Variants in VAV2 observed in about 807,000 individuals in gnomAD.
The protein encoded by VAV2 is vav guanine nucleotide exchange factor 2, also known as guanine nucleotide exchange factor VAV2.
Under a neutral mutation model 132.5 loss-of-function variants are expected in VAV2, and 67 were observed. The ratio of observed to expected loss-of-function variants is 0.51; its 90% CI spans 0.42 to 0.62. The LOEUF is 0.62. Ranked by LOEUF, VAV2 falls within the 20% of genes least tolerant of loss-of-function variation. The probability of loss-of-function intolerance (pLI) is 0.00; values close to 1 mark genes in which losing one functional copy is unlikely to be tolerated. For missense variants in VAV2, 938 were observed against 1,153.6 expected (o/e 0.81, Z 2.71); for synonymous variants, 492 against 443.5 (o/e 1.11, Z -1.37).
intron 1 of VAV2, among the ~76,000 whole-genome samples, chr9:133,987,623 G>C (rs1227253896): frequency 6.6e-6 from 1 of 152,210 alleles, no homozygotes; most frequent in African/African-American, 2.4e-5. Context: ...TCCAGCAATG[G>C]CTGCCTGATG....
intron 13 of VAV2, 91 bp downstream of exon 13, chr9:133,791,692 A>C (rs1461375592): frequency 8.7e-7 from 1 of 1,155,374 alleles, no homozygotes; most frequent in Non-Finnish European, 1.3e-6. Context: ...GTGGCTGCCC[A>C]TGGAGCTCAC....
chr9:133,891,180 C>G (rs938237903), intron 2 of VAV2, among the ~76,000 whole-genome samples: 7 of 149,096 alleles, frequency 4.7e-5, no homozygotes, highest in Admixed American at 2.7e-4. Flanking sequence ...GCTGCCAGGG[C>G]CCGGCACTCA....
chr9:133,838,492 T>C (rs1836564759), intron 3 of VAV2, among the ~76,000 whole-genome samples: 1 of 67,452 alleles, frequency 1.5e-5, no homozygotes, highest in Non-Finnish European at 2.7e-5. Context: ...GGTGGATGGA[T>C]GGATGGGTGG....
At chr9:133,829,641 T>TG (rs1475776733) in intron 4 of VAV2, among the ~76,000 whole-genome samples, 3 of 150,662 alleles carry the variant, frequency 2.0e-5, no homozygotes, top group African/African-American at 7.3e-5. Context: ...TAACATACAT[T>TG]TTTTTTTTTA....
At chr9:133,836,110 A>G (rs921895635) in intron 3 of VAV2, among the ~76,000 whole-genome samples, 19 of 152,176 alleles carry the variant, frequency 1.2e-4, no homozygotes, top group African/African-American at 2.9e-4. Context: ...GAAGCCCCTC[A>G]AGGAATCCAT....
chr9:133,793,484 G>A (rs34943444), intron 12 of VAV2, among the ~76,000 whole-genome samples: 75 of 152,210 alleles, frequency 4.9e-4, no homozygotes, highest in Non-Finnish European at 8.4e-4. Context: ...TTTTCTTGTC[G>A]TTGTCCACTT....
chr9:133,983,690 G>C (rs906792468), intron 1 of VAV2, among the ~76,000 whole-genome samples: 2 of 151,990 alleles, frequency 1.3e-5, no homozygotes, highest in African/African-American at 4.8e-5. Flanking sequence ...GCAGCCCCGG[G>C]TCCTTCCTAC....
chr9:133,911,620 T>G (rs1300808639), intron 2 of VAV2, among the ~76,000 whole-genome samples: 1 of 152,198 alleles, frequency 6.6e-6, no homozygotes, highest in Non-Finnish European at 1.5e-5. Context: ...CCAGTGTCAC[T>G]CCTGAGGCCT....
At chr9:133,849,178 G>C (rs1360068592) in intron 3 of VAV2, among the ~76,000 whole-genome samples, 1 of 152,192 alleles carries the variant, frequency 6.6e-6, no homozygotes, top group Non-Finnish European at 1.5e-5. Flanking sequence ...CCAATGAGCA[G>C]GCACGGGACA....
intron 3 of VAV2, among the ~76,000 whole-genome samples, chr9:133,851,663 G>A (rs570793068): frequency 1.3e-4 from 18 of 143,852 alleles, no homozygotes; most frequent in African/African-American, 4.6e-4. Context: ...TGGACAGAAG[G>A]GTGGATGGAT....
intron 2 of VAV2, among the ~76,000 whole-genome samples, chr9:133,930,505 G>A (rs183938715): frequency 1.1e-3 from 160 of 152,366 alleles, no homozygotes; most frequent in African/African-American, 3.4e-3. Flanking sequence ...GCCGTCTTCC[G>A]TGCGCCTTCC....
chr9:133,904,106 G>A (rs1014666968), intron 2 of VAV2, among the ~76,000 whole-genome samples: 2 of 152,274 alleles, frequency 1.3e-5, no homozygotes, highest in South Asian at 4.1e-4. Flanking sequence ...TCCTATCCGG[G>A]TAAATTCTGT....
Position 133,919,007 on chromosome 9 carries a change from T to C in VAV2, c.321+20096A>G, listed in dbSNP as rs890097404. The stretch of plus-strand genomic sequence containing the variant: ...CCAGGCTGGTCTCGAACTCCTGACC[T>C]TGTGATCCTCCCACCTCGGCCTCCC... On this transcript the variant is annotated intron_variant, in intron 2 of 29. Transcript: ENST00000371850. This position sits in a 1 kb window ranked among gnomAD's most constrained non-coding sequence, Gnocchi z 5.8. Among the ~76,000 whole-genome samples the C allele has an allele frequency of 1.3e-5, 2 of 152,106 alleles. No homozygotes were observed. Among genetic ancestry groups the C allele is most frequent in the Admixed American group, 1.3e-4 (2 of 15,274 alleles).
In VAV2 at chr9:133,885,358, A is replaced by G. The variant is rs10821533; in HGVS notation, c.322-23926T>C. Among the ~76,000 whole-genome samples, 22,604 of 152,112 alleles carry G rather than the reference A, an allele frequency of 0.15. 1,784 individuals are homozygous for G. The highest frequency in any genetic ancestry group is 0.22 in the South Asian group (1,078 of 4,826). On this transcript the variant is annotated intron_variant, in intron 2 of 29. Coordinates refer to ENST00000371850, the MANE Select transcript of VAV2 (RefSeq NM_001134398.2). The surrounding 1 kb of genome is among the most constrained non-coding windows in gnomAD (Gnocchi z 5.0). ...TTCCCCACAAGTTCAAGGTCGGTGT[A>G]CTCAGGCATCCCTGTCACATCGATG...
intron 4 of VAV2, among the ~76,000 whole-genome samples, chr9:133,825,848 C>T (rs1449113764): frequency 6.6e-6 from 1 of 152,192 alleles, no homozygotes; most frequent in Non-Finnish European, 1.5e-5. Context: ...CCCACTCACT[C>T]CCCATGTAGA....
Position 133,919,537 on chromosome 9 carries a change from C to T in VAV2, c.321+19566G>A, listed in dbSNP as rs1376782541. Among the ~76,000 whole-genome samples, 1 of 152,198 alleles carries T rather than the reference C, an allele frequency of 6.6e-6. No individual in the cohort carries two copies. The highest frequency in any genetic ancestry group is 1.5e-5 in the Non-Finnish European group (1 of 68,038). The stretch of plus-strand genomic sequence containing the variant: ...GTCGGCTGGCAATTTCTAGGCTGTT[C>T]TAAGCCACGGGTCAAGGGCTGCCCA... On this transcript the variant is annotated intron_variant, in intron 2 of 29. Transcript: ENST00000371850. This position sits in a 1 kb window ranked among gnomAD's most constrained non-coding sequence, Gnocchi z 5.8.
chr9:133,786,370 G>A (rs1008737266), intron 16 of VAV2, among the ~76,000 whole-genome samples: 2 of 106,270 alleles, frequency 1.9e-5, no homozygotes, highest in African/African-American at 7.6e-5. Flanking sequence ...TCTCCTGTGT[G>A]TGCTCTCCTG....
chr9:133,790,574 T>C (rs1352301418), intron 13 of VAV2, among the ~76,000 whole-genome samples: 1 of 152,192 alleles, frequency 6.6e-6, no homozygotes, highest in Non-Finnish European at 1.5e-5. Context: ...ACTGTACGCA[T>C]TTGTGACCGC....
At chr9:133,792,633 T>A (rs1480836242) in intron 12 of VAV2, among the ~76,000 whole-genome samples, 2 of 151,542 alleles carry the variant, frequency 1.3e-5, no homozygotes, top group Non-Finnish European at 2.9e-5. Context: ...TGTGAGCGTG[T>A]GTGTGCATGC....
Sources: allele counts gnomAD v4.1 joint callset (sites outside exome capture counted in the v4.1 genomes callset), GRCh38; gene constraint gnomAD v4.1.1; non-coding constraint Gnocchi (gnomAD v3.1); transcripts MANE v1.5; gene names NCBI Gene and HGNC (gene_info 2026-07-23, HGNC 2026-07-21).